Variants in PPP6R3 observed in about 807,000 individuals in gnomAD.
The protein encoded by PPP6R3 is serine/threonine-protein phosphatase 6 regulatory subunit 3.
A neutral mutation model predicts 110.7 loss-of-function variants in PPP6R3; 38 were observed. The observed-to-expected ratio is 0.34, with a 90% confidence interval of 0.26 to 0.45. The LOEUF is 0.45. PPP6R3 is among the 20% of genes least tolerant of loss of function. PPP6R3 has a pLI of 1.00. For synonymous variants in PPP6R3, 369 were observed against 373.5 expected (o/e 0.99, Z 0.14); for missense variants, 870 against 1,062.4 (o/e 0.82, Z 2.52).
intron 1 of PPP6R3, among the ~76,000 whole-genome samples, chr11:68,497,581 C>T (rs2099025252): frequency 6.6e-6 from 1 of 151,784 alleles, no homozygotes; most frequent in Admixed American, 6.6e-5. Context: ...TCTCAAACTC[C>T]TGGGCTCAAA....
At chr11:68,532,624 G>C (rs892703196) in intron 2 of PPP6R3, among the ~76,000 whole-genome samples, 1 of 152,078 alleles carries the variant, frequency 6.6e-6, no homozygotes, top group Non-Finnish European at 1.5e-5. Context: ...AAAAATTCCC[G>C]TCACCTAATG....
At chr11:68,575,936 T>G in intron 13 of PPP6R3, 22 bp from the exon 14 acceptor site, 3 of 1,564,808 alleles carry the variant, frequency 1.9e-6, no homozygotes, top group Non-Finnish European at 2.6e-6. Context: ...GATAATGCTT[T>G]TTTGCTTTTC....
At position 68,614,556 on chromosome 11, in the gene PPP6R3, C is replaced by T; in HGVS notation, c.*1439C>T. On this transcript the variant is annotated 3_prime_UTR_variant, in exon 24 of 24. Coordinates refer to ENST00000393800, the MANE Select transcript of PPP6R3 (RefSeq NM_001164161.2). Reference sequence around the variant, plus strand: ...TAGCATCCCAAGCAGCGTGCCTAAACATTACATTGCATATGGAAATAAAAG... The same window carrying T: ...TAGCATCCCAAGCAGCGTGCCTAAATATTACATTGCATATGGAAATAAAAG... 2 of 1,494,908 alleles carry T rather than the reference C, an allele frequency of 1.3e-6. No homozygotes were observed. The highest frequency in any genetic ancestry group is 2.8e-5 in the South Asian group (2 of 71,576). 92.6% of individuals were successfully genotyped at this position (1,494,908 alleles called of 1,614,324 possible).
chr11:68,497,133 G>A (rs1212327647), intron 1 of PPP6R3, among the ~76,000 whole-genome samples: 3 of 150,830 alleles, frequency 2.0e-5, no homozygotes, highest in African/African-American at 7.3e-5. Flanking sequence ...TGCAAGCTCC[G>A]CCTCCCGGGT....
chr11:68,529,014 C>T (rs931304658), intron 2 of PPP6R3, among the ~76,000 whole-genome samples: 7 of 152,276 alleles, frequency 4.6e-5, no homozygotes, highest in South Asian at 4.1e-4. Flanking sequence ...ACACGTCTGC[C>T]GCTTATGGAA....
At chr11:68,528,370 C>T (rs995065135) in intron 2 of PPP6R3, among the ~76,000 whole-genome samples, 1 of 148,376 alleles carries the variant, frequency 6.7e-6, no homozygotes, top group East Asian at 2.0e-4. Flanking sequence ...TTGTATTACC[C>T]TCTTCTCTAA....
chr11:68,563,349 C>A (rs544233108), intron 8 of PPP6R3, among the ~76,000 whole-genome samples: 1 of 152,302 alleles, frequency 6.6e-6, no homozygotes, highest in South Asian at 2.1e-4. Context: ...CTTGTGACCC[C>A]TCTGCATCCT....
intron 1 of PPP6R3, among the ~76,000 whole-genome samples, chr11:68,498,586 A>G (rs536249124): frequency 6.6e-6 from 1 of 152,304 alleles, no homozygotes; most frequent in African/African-American, 2.4e-5. Flanking sequence ...TTTTGTTTCT[A>G]TTAAATAGAG....
At chr11:68,495,233 A>G (rs1157261093) in intron 1 of PPP6R3, among the ~76,000 whole-genome samples, 2 of 152,228 alleles carry the variant, frequency 1.3e-5, no homozygotes, top group Non-Finnish European at 2.9e-5. Context: ...GTCAAATGCA[A>G]ATGTGTGAAT....
At chr11:68,487,675 C>A (rs895970639) in intron 1 of PPP6R3, among the ~76,000 whole-genome samples, 1 of 151,396 alleles carries the variant, frequency 6.6e-6, no homozygotes, top group African/African-American at 2.4e-5. Context: ...ATTATTTAAT[C>A]TTCTGGTATT....
chr11:68,610,313 C>G (rs1337056728), intron 23 of PPP6R3, among the ~76,000 whole-genome samples: 1 of 152,084 alleles, frequency 6.6e-6, no homozygotes, highest in African/African-American at 2.4e-5. Flanking sequence ...GTCTCCTCAC[C>G]CTTGTTGTTG....
Position 68,537,696 on chromosome 11 carries a change from C to T in PPP6R3, c.32C>T (p.Ser11Phe). Residue 11 changes from serine to phenylalanine, a missense_variant, in exon 3 of 24, where the codon TCC becomes TTC. Ser to Phe is a radical substitution (Grantham distance 155, BLOSUM62 -2). Coordinates refer to ENST00000393800, the MANE Select transcript of PPP6R3 (RefSeq NM_001164161.2). The part of the protein sequence containing the change: MFWKFDLHSS[S>F]HIDTLLERED... The stretch of plus-strand genomic sequence containing the variant: ...TGGAAATTTGATCTTCACTCATCAT[C>T]CCACATAGACACACTTCTAGAAAGA... The T allele has an allele frequency of 6.2e-7, 1 of 1,608,928 alleles. No homozygotes were observed. Among genetic ancestry groups the T allele is most frequent in the Non-Finnish European group, 8.5e-7 (1 of 1,177,172 alleles).
chr11:68,463,353 C>CAAAA (rs2098721611), intron 1 of PPP6R3, among the ~76,000 whole-genome samples: 1 of 47,762 alleles, frequency 2.1e-5, no homozygotes, highest in African/African-American at 8.1e-5. Flanking sequence ...GACTCAGTCT[C>CAAAA]AGAAAAAAAA....
rs1314911105 is a variant in PPP6R3, at chr11:68,614,428, G to GTAAT, written c.*1312_*1315dup. 9.1e-6 allele frequency: 12 copies of GTAAT among 1,324,726 alleles called. No homozygotes were observed. Among genetic ancestry groups the GTAAT allele is most frequent in the African/African-American group, 3.1e-5 (2 of 65,070 alleles). The allele number at this position is 1,324,726 out of a possible 1,614,324, so 82.1% of individuals were successfully genotyped here. The stretch of plus-strand genomic sequence containing the variant: ...AGATGCAAATCAGTTTTTCATTTCT[G>GTAAT]TAATAGAAAATTATTCACGTATTTT... On this transcript the variant is annotated 3_prime_UTR_variant, in exon 24 of 24. Coordinates refer to ENST00000393800, the MANE Select transcript of PPP6R3 (RefSeq NM_001164161.2).
intron 1 of PPP6R3, among the ~76,000 whole-genome samples, chr11:68,489,430 A>C (rs1244004242): frequency 6.6e-6 from 1 of 152,080 alleles, no homozygotes; most frequent in African/African-American, 2.4e-5. Context: ...TGGAGTTTGC[A>C]ACATATATTT....
intron 1 of PPP6R3, among the ~76,000 whole-genome samples, chr11:68,510,740 A>T (rs2099104642): frequency 1.3e-5 from 2 of 151,930 alleles, no homozygotes; most frequent in Non-Finnish European, 2.9e-5. Context: ...TAAGTATCCC[A>T]CTCTCTTTTT....
chr11:68,493,312 G>A (rs1291612971), intron 1 of PPP6R3, among the ~76,000 whole-genome samples: 7 of 152,000 alleles, frequency 4.6e-5, no homozygotes, highest in African/African-American at 1.7e-4. Flanking sequence ...AGTATACATT[G>A]GTGGTAGTTA....
rs142545395 is a variant in PPP6R3 at position 68,462,048 on chromosome 11, A to G, written c.-158+1221A>G. ...GCTTCTCTTTTTTTTTCTCTGTAGTATGGGAATAATAATAAGTGTCCCAGC... is the reference window on the plus strand; with the variant it reads ...GCTTCTCTTTTTTTTTCTCTGTAGTGTGGGAATAATAATAAGTGTCCCAGC... On this transcript the variant is annotated intron_variant, in intron 1 of 23. Coordinates refer to ENST00000393800, the MANE Select transcript of PPP6R3 (RefSeq NM_001164161.2). Among the ~76,000 whole-genome samples, 382 of 152,098 alleles carry G rather than the reference A, an allele frequency of 2.5e-3. 1 individual carries two copies. The highest frequency in any genetic ancestry group is 4.5e-3 in the Non-Finnish European group (305 of 67,996).
chr11:68,507,371 A>G (rs963812947), intron 1 of PPP6R3, among the ~76,000 whole-genome samples: 1 of 150,330 alleles, frequency 6.7e-6, no homozygotes, highest in Non-Finnish European at 1.5e-5. Context: ...TTGCCTGTCT[A>G]TAGTTATTTT....
Sources: allele counts gnomAD v4.1 joint callset (sites outside exome capture counted in the v4.1 genomes callset), GRCh38; gene constraint gnomAD v4.1.1; transcripts MANE v1.5; gene names NCBI Gene and HGNC (gene_info 2026-07-23, HGNC 2026-07-21).